The following KIAA0232 variants were observed in gnomAD, a reference collection of about 807,000 sequenced individuals.
KIAA0232 encodes the protein uncharacterized protein KIAA0232.
A neutral mutation model predicts 122.0 loss-of-function variants in KIAA0232; 27 were observed. The observed-to-expected ratio is 0.22, with a 90% CI of 0.16 to 0.31. The LOEUF (loss-of-function observed/expected upper bound fraction) is 0.31, where lower values mean the gene tolerates loss of function less well. Among genes scored for constraint, KIAA0232 ranks in the 10% least tolerant of loss-of-function variants. The probability of loss-of-function intolerance (pLI) is 1.00; values close to 1 mark genes in which losing one functional copy is unlikely to be tolerated. For missense variants in KIAA0232, 1,551 were observed against 1,634.2 expected (o/e 0.95, Z 0.88); for synonymous variants, 613 against 587.6 (o/e 1.04, Z -0.63).
chr4:6,853,608 G>T (rs1197773889), intron 4 of KIAA0232, among the ~76,000 whole-genome samples: 1 of 152,178 alleles, frequency 6.6e-6, no homozygotes, highest in Non-Finnish European at 1.5e-5. Context: ...GGCGGCACCT[G>T]TCCAGCATTT....
chr4:6,798,832 G>A (rs6812349), intron 1 of KIAA0232, among the ~76,000 whole-genome samples: 2,514 of 152,278 alleles, frequency 0.017, 75 homozygotes, highest in African/African-American at 0.058. Context: ...GATTATAGGC[G>A]TGAGCCACCG....
chr4:6,858,620 G>T, intron 6 of KIAA0232, 114 bp downstream of exon 6: 1 of 649,764 alleles, frequency 1.5e-6, no homozygotes, highest in Non-Finnish European at 2.6e-6. Context: ...TATATATAAT[G>T]TAAGAAACAT....
intron 4 of KIAA0232, among the ~76,000 whole-genome samples, chr4:6,853,550 G>A (rs73080538): frequency 6.6e-6 from 1 of 152,110 alleles, no homozygotes. Context: ...TGTGCAAATG[G>A]AACAGGCAGT....
chr4:6,819,081 A>G (rs1048186863), intron 2 of KIAA0232, among the ~76,000 whole-genome samples: 1 of 152,172 alleles, frequency 6.6e-6, no homozygotes, highest in African/African-American at 2.4e-5. Flanking sequence ...TTGACCCAAC[A>G]TGGATTATAG....
At chr4:6,783,046 C>A (rs1250065558) in intron 1 of KIAA0232, among the ~76,000 whole-genome samples, 2 of 151,636 alleles carry the variant, frequency 1.3e-5, no homozygotes, top group Non-Finnish European at 2.9e-5. Flanking sequence ...GGAGGCCGAG[C>A]CGCCGCCGAG....
rs1240795963 is a variant in KIAA0232, at chr4:6,861,765, A to G, written c.1383A>G (p.Ala461=). 4 of 1,614,106 alleles carry G rather than the reference A, an allele frequency of 2.5e-6. No individual in the cohort carries two copies. The African/African-American group carries it at 4.0e-5, about 16-fold the overall frequency. ...ATAATCTTCATAAAACATACCTCGC[A>G]GCAGGTACTTTCATTGATGGTCATT... ...SNNNLHKTYL[A]AGTFIDGHFV... Residue 461 remains alanine (A), a synonymous_variant, in exon 7 of 10, where the codon GCA becomes GCG. Transcript: ENST00000307659.
At chr4:6,844,769 C>T (rs1235076696) in intron 4 of KIAA0232, among the ~76,000 whole-genome samples, 1 of 152,124 alleles carries the variant, frequency 6.6e-6, no homozygotes, top group African/African-American at 2.4e-5. Context: ...TTGCTTCATA[C>T]AGCATGGGAT....
Position 6,863,724 on chromosome 4 carries a change from C to T in KIAA0232, c.3342C>T (p.Ser1114=), listed in dbSNP as rs374591739. The T allele has an allele frequency of 2.7e-5, 43 of 1,614,152 alleles. No individual in the cohort carries two copies. Among genetic ancestry groups the T allele is most frequent in the Admixed American group, 2.2e-4 (13 of 60,010 alleles). The part of the protein sequence containing the change: ...PRTHFRPISA[S]ELSPGGGSES... ...CTCACTTTCGCCCAATTTCTGCATC[C>T]GAACTGTCCCCAGGAGGAGGAAGCG... The change falls in exon 7 of 10, where the codon TCC becomes TCT. Residue 1114 remains serine, a synonymous_variant. Transcript: ENST00000307659.
intron 9 of KIAA0232, among the ~76,000 whole-genome samples, chr4:6,879,029 T>G (rs1721913825): frequency 1.3e-5 from 2 of 152,178 alleles, no homozygotes; most frequent in Admixed American, 1.3e-4. Flanking sequence ...ACAGTCTGCC[T>G]GCCAGTCCTG....
chr4:6,830,403 CTTTTT>C (rs10714574), intron 3 of KIAA0232, among the ~76,000 whole-genome samples: 4 of 75,544 alleles, frequency 5.3e-5, no homozygotes, highest in African/African-American at 1.4e-4. Flanking sequence ...TCTCTGTTGT[CTTTTT>C]TTTTTTTTTT....
In KIAA0232 at chr4:6,825,029, C is replaced by G. The variant is rs74717906; in HGVS notation, c.231+345C>G. Reference sequence around the variant, plus strand: ...TGATTTCTACTATTTAGAAAACTCACACATTATGAATAGATATTTAAACAT... The same window carrying G: ...TGATTTCTACTATTTAGAAAACTCAGACATTATGAATAGATATTTAAACAT... On this transcript the variant is annotated intron_variant, in intron 3 of 9. Coordinates refer to ENST00000307659, the MANE Select transcript of KIAA0232 (RefSeq NM_014743.3). Among the ~76,000 whole-genome samples, 1,158 of 152,314 alleles carry G rather than the reference C, an allele frequency of 7.6e-3. 6 individuals are homozygous for G. The highest frequency in any genetic ancestry group is 0.013 in the Admixed American group (193 of 15,296).
Position 6,855,097 on chromosome 4 carries a change from T to G in KIAA0232, c.370-2067T>G, listed in dbSNP as rs957953625. ...TTTTTTATTTTTTATTTTTTTTTAT[T>G]TTTTTGAGACCGAGTCTCGCTCTGT... On this transcript the variant is annotated intron_variant, in intron 4 of 9. Transcript: ENST00000307659. The surrounding 1 kb of genome is among the most constrained non-coding windows in gnomAD (Gnocchi z 4.3). Among the ~76,000 whole-genome samples the G allele has an allele frequency of 1.3e-5, 2 of 151,928 alleles. No homozygotes were observed. The highest frequency in any genetic ancestry group is 2.9e-5 in the Non-Finnish European group (2 of 68,004).
intron 3 of KIAA0232, among the ~76,000 whole-genome samples, chr4:6,825,908 A>T (rs1399936387): frequency 2.0e-5 from 3 of 152,166 alleles, no homozygotes; most frequent in African/African-American, 7.2e-5. Context: ...ACACAAAAAA[A>T]CTTCAAAGTC....
chr4:6,848,023 A>G (rs1720061580), intron 4 of KIAA0232, among the ~76,000 whole-genome samples: 1 of 152,232 alleles, frequency 6.6e-6, no homozygotes, highest in Non-Finnish European at 1.5e-5. Flanking sequence ...TAACTCTTCC[A>G]TAATACCATT....
rs150734353 is a variant in KIAA0232, at chr4:6,810,901, G to A, written c.-270+6295G>A. On this transcript the variant is annotated intron_variant, in intron 2 of 9. Coordinates refer to ENST00000307659, the MANE Select transcript of KIAA0232 (RefSeq NM_014743.3). ...ATGAGATGTCATCTTACCCCAGTCA[G>A]AATGGCTATTATTAAAAAGACAAAA... Among the ~76,000 whole-genome samples, 196 of 152,272 alleles carry A rather than the reference G, an allele frequency of 1.3e-3. No homozygotes were observed. In the East Asian group the frequency reaches 0.017, roughly 13 times the overall value.
intron 2 of KIAA0232, among the ~76,000 whole-genome samples, chr4:6,821,704 GTA>G (rs1491071865): frequency 0.013 from 1,286 of 95,290 alleles, 7 homozygotes; most frequent in African/African-American, 0.029. Flanking sequence ...GTGTGTGTGT[GTA>G]TATATATATA....
intron 1 of KIAA0232, among the ~76,000 whole-genome samples, chr4:6,783,375 G>A (rs563036487): frequency 4.1e-4 from 63 of 152,350 alleles, no homozygotes; most frequent in African/African-American, 1.5e-3. Context: ...CCTGCCTGGG[G>A]CAGGTGTCGC....
rs1560216066 is a variant in KIAA0232, at chr4:6,880,009, G to GC, written c.4009-778_4009-777insC. 1.7e-4 allele frequency among the ~76,000 whole-genome samples: 10 copies of GC among 59,830 alleles called. 3 individuals carry two copies. Among genetic ancestry groups the GC allele is most frequent in the African/African-American group, 5.4e-4 (8 of 14,746 alleles). 39.3% of individuals were successfully genotyped at this position (59,830 alleles called of 152,430 possible). ...CCTTCCCAACACACAGGTCTGTAGT[G>GC]TCGCCTCACCATCTGTACTGTGTCA... On this transcript the variant is annotated intron_variant, in intron 9 of 9. Coordinates refer to ENST00000307659, the MANE Select transcript of KIAA0232 (RefSeq NM_014743.3).
At chr4:6,783,033 A>G (rs1263900634) in intron 1 of KIAA0232, among the ~76,000 whole-genome samples, 192 bp downstream of exon 1, 1 of 138,212 alleles carries the variant, frequency 7.2e-6, no homozygotes, top group African/African-American at 2.8e-5. Flanking sequence ...GGGCCAGCCT[A>G]AGGGAGGCCG....
Sources: gnomAD v4.1 joint callset for allele counts (sites outside exome capture counted in the v4.1 genomes callset) on GRCh38, gnomAD v4.1.1 for gene constraint, Gnocchi (gnomAD v3.1) non-coding constraint, MANE v1.5 for transcripts, NCBI Gene and HGNC (gene_info 2026-07-23, HGNC 2026-07-21) for gene names.